IMPG2: variants seen among roughly 807,000 people sequenced by gnomAD.
The protein encoded by IMPG2 is interphotoreceptor matrix proteoglycan 2.
IMPG2 carries 91 observed loss-of-function variants against 129.2 expected under a neutral mutation model. The ratio of observed to expected loss-of-function variants is 0.70; its 90% CI spans 0.59 to 0.84. The LOEUF (loss-of-function observed/expected upper bound fraction) is 0.84, where lower values mean the gene tolerates loss of function less well. Among genes scored for constraint, IMPG2 ranks in the 40% least tolerant of loss-of-function variants. The pLI is 0.00. For synonymous variants in IMPG2, 510 were observed against 517.7 expected (o/e 0.99, Z 0.20); for missense variants, 1,430 against 1,461.7 (o/e 0.98, Z 0.35).
chr3:101,273,311 T>C (rs537964061), intron 7 of IMPG2, among the ~76,000 whole-genome samples: 140 of 152,342 alleles, frequency 9.2e-4, no homozygotes, highest in African/African-American at 3.2e-3. Context: ...GTCAAAACCA[T>C]GCCACAGAAC....
intron 3 of IMPG2, among the ~76,000 whole-genome samples, chr3:101,296,056 T>C (rs990486575): frequency 6.6e-6 from 1 of 152,200 alleles, no homozygotes; most frequent in African/African-American, 2.4e-5. Flanking sequence ...CATTTATTTC[T>C]TTCTCTTGCC....
At position 101,273,752 on chromosome 3, in the gene IMPG2, TA is replaced by T. The variant is rs1706812678; in HGVS notation, c.667-11del. On this transcript the variant is annotated splice_polypyrimidine_tract_variant and intron_variant, in intron 6 of 18. Transcript: ENST00000193391. Reference sequence around the variant, plus strand: ...CAATTTCATTGCTAATCTGAATTTTTAGAGAAAGAACAATAAATGTCAAGGC... The same window carrying T: ...CAATTTCATTGCTAATCTGAATTTTTGAGAAAGAACAATAAATGTCAAGGC... 6.2e-7 allele frequency: 1 copy of T among 1,612,606 alleles called. No homozygotes were observed. Among genetic ancestry groups the T allele is most frequent in the East Asian group, 2.2e-5 (1 of 44,860 alleles).
intron 2 of IMPG2, among the ~76,000 whole-genome samples, chr3:101,311,490 A>G (rs1707263366): frequency 6.6e-6 from 1 of 152,198 alleles, no homozygotes; most frequent in East Asian, 1.9e-4. Flanking sequence ...AAAGATTAAA[A>G]TGCTTAGGAA....
In IMPG2 at chr3:101,246,107, T is replaced by C. The variant is rs1706475153; in HGVS notation, c.1240-2A>G. ...CCATGCAGCTTGAAAGGTATTATCC[T>C]GGGGGGAAAAAAAGGCTAAATCATA... On this transcript the variant is annotated splice_acceptor_variant, in intron 11 of 18. Transcript: ENST00000193391. LOFTEE classifies it high-confidence loss of function. 1 of 1,612,072 alleles carries C rather than the reference T, an allele frequency of 6.2e-7. No homozygotes were observed. The highest frequency in any genetic ancestry group is 8.5e-7 in the Non-Finnish European group (1 of 1,179,424).
At chr3:101,228,400 T>C (rs1706246468) in intron 18 of IMPG2, among the ~76,000 whole-genome samples, 1 of 152,150 alleles carries the variant, frequency 6.6e-6, no homozygotes, top group Non-Finnish European at 1.5e-5. Context: ...TTTTATGGCA[T>C]CAGATCAATC....
intron 11 of IMPG2, among the ~76,000 whole-genome samples, chr3:101,250,781 G>C (rs559413183): frequency 2.6e-5 from 4 of 152,156 alleles, no homozygotes; most frequent in Non-Finnish European, 5.9e-5. Flanking sequence ...AACACAGATA[G>C]GGAGTGTGGG....
At position 101,243,612 on chromosome 3, in the gene IMPG2, C is replaced by G. The variant is rs758366596; in HGVS notation, c.2719G>C (p.Val907Leu). ...TCTTCTGAAAACATCATGTTAGTCA[C>G]TCGGAGGCTGAAGAAAACCACCAAA... Reference protein sequence around the residue: ...GALVVFFSLRVTNMMFSEDLF... With the variant: ...GALVVFFSLRLTNMMFSEDLF... The change falls in exon 13 of 19, where the codon GTG becomes CTG. Residue 907 changes from valine to leucine, a missense_variant. By Grantham distance (32) the Val-to-Leu change is conservative. Transcript: ENST00000193391. 1 of 1,613,878 alleles carries G rather than the reference C, an allele frequency of 6.2e-7. No individual in the cohort carries two copies. The highest frequency in any genetic ancestry group is 8.5e-7 in the Non-Finnish European group (1 of 1,179,916).
At chr3:101,287,924 C>A (rs1390601329) in intron 4 of IMPG2, among the ~76,000 whole-genome samples, 2 of 152,036 alleles carry the variant, frequency 1.3e-5, no homozygotes, top group Non-Finnish European at 2.9e-5. Context: ...TTTTGCACAG[C>A]AAAATAAACT....
At chr3:101,277,870 G>C (rs546373510) in intron 4 of IMPG2, among the ~76,000 whole-genome samples, 32 of 152,306 alleles carry the variant, frequency 2.1e-4, no homozygotes, top group Admixed American at 1.0e-3. Context: ...GAGGAAAAGG[G>C]CTATTCCCTT....
Position 101,245,953 on chromosome 3 carries a change from T to C in IMPG2, c.1392A>G (p.Leu464=). Residue 464 remains leucine (L), a synonymous_variant, in exon 12 of 19, where the codon TTA becomes TTG. Coordinates refer to ENST00000193391, the MANE Select transcript of IMPG2 (RefSeq NM_016247.4). ...TGAGGCCCATCTTCGAGGGAAAGGC[T>C]AATTTGTGTGTAGACACTAAATCAC... ...PLGDLVSTHK[L]AFPSKMGLSS... is the part of the protein sequence containing the mutation. 1 of 1,614,164 alleles carries C rather than the reference T, an allele frequency of 6.2e-7. No individual in the cohort carries two copies. Among genetic ancestry groups the C allele is most frequent in the South Asian group, 1.1e-5 (1 of 91,084 alleles).
intron 2 of IMPG2, among the ~76,000 whole-genome samples, chr3:101,305,481 C>T (rs952405492): frequency 1.3e-5 from 2 of 152,066 alleles, no homozygotes; most frequent in Non-Finnish European, 2.9e-5. Context: ...TAACTATGAA[C>T]TTCAGTTAAG....
chr3:101,264,987 A>G (rs1035923411), intron 9 of IMPG2, among the ~76,000 whole-genome samples: 8 of 152,144 alleles, frequency 5.3e-5, no homozygotes, highest in Middle Eastern at 3.2e-3. Context: ...AAATTTAACC[A>G]AGCAGGTGAA....
At chr3:101,237,717 T>A (rs1486179943) in intron 14 of IMPG2, among the ~76,000 whole-genome samples, 3 of 151,932 alleles carry the variant, frequency 2.0e-5, no homozygotes, top group Non-Finnish European at 4.4e-5. Context: ...CATGCAAAGG[T>A]CACCAACATC....
Position 101,242,693 on chromosome 3 carries a change from T to TC in IMPG2, c.3016dup (p.Glu1006GlyfsTer4). ...CATGCTAGGCAATATCATACCTGATTCCACATCAAGAGAGTATTTATCAAT... is the reference window on the plus strand; with the variant it reads ...CATGCTAGGCAATATCATACCTGATTCCCACATCAAGAGAGTATTTATCAAT... On this transcript the variant is annotated frameshift_variant, in exon 14 of 19. Coordinates refer to ENST00000193391, the MANE Select transcript of IMPG2 (RefSeq NM_016247.4). LOFTEE classifies it high-confidence loss of function. 6.2e-7 allele frequency: 1 copy of TC among 1,608,138 alleles called. No homozygotes were observed. Among genetic ancestry groups the TC allele is most frequent in the Non-Finnish European group, 8.5e-7 (1 of 1,174,608 alleles).
chr3:101,290,439 C>A (rs1157887419), intron 4 of IMPG2, among the ~76,000 whole-genome samples: 1 of 152,066 alleles, frequency 6.6e-6, no homozygotes, highest in African/African-American at 2.4e-5. Flanking sequence ...AGCCTGGGAG[C>A]ACGAGGCTGC....
intron 14 of IMPG2, among the ~76,000 whole-genome samples, chr3:101,240,953 G>C (rs1011970028): frequency 4.6e-5 from 7 of 152,188 alleles, no homozygotes; most frequent in African/African-American, 1.4e-4. Flanking sequence ...ATGTAGAAAG[G>C]AAGGAAGAAG....
Position 101,291,499 on chromosome 3 carries a change from A to C in IMPG2, c.513T>G (p.Tyr171Ter), listed in dbSNP as rs763295314. The C allele has an allele frequency of 5.0e-6, 8 of 1,613,056 alleles. No homozygotes were observed. The highest frequency in any genetic ancestry group is 6.8e-6 in the Non-Finnish European group (8 of 1,179,226). The change falls in exon 4 of 19, where the codon TAT (tyrosine) becomes TAG (stop). Residue 171 changes from tyrosine to a stop codon, truncating the protein, a stop_gained. Transcript: ENST00000193391. LOFTEE classifies it high-confidence loss of function. ...CTCACCTGCTTACAGTTTCCTTTGCATAAGTCAGTTTCTAAGGAAAACAAA... is the reference window on the plus strand; with the variant it reads ...CTCACCTGCTTACAGTTTCCTTTGCCTAAGTCAGTTTCTAAGGAAAACAAA... The part of the protein sequence containing the change: ...HRSLIMKKLT[Y>*]AKETVSSSEL...
At chr3:101,246,181 T>G in intron 11 of IMPG2, 76 bp from the exon 12 acceptor site, 1 of 1,400,708 alleles carries the variant, frequency 7.1e-7, no homozygotes. Context: ...ACCACCTATC[T>G]GTCTATATTC....
intron 2 of IMPG2, among the ~76,000 whole-genome samples, chr3:101,306,648 T>C (rs1424102997): frequency 6.6e-6 from 1 of 151,886 alleles, no homozygotes; most frequent in Non-Finnish European, 1.5e-5. Flanking sequence ...AATGAAGTGA[T>C]TCAGAGAAAG....
Sources: gnomAD v4.1 joint callset for allele counts (sites outside exome capture counted in the v4.1 genomes callset) on GRCh38, gnomAD v4.1.1 for gene constraint, MANE v1.5 for transcripts, NCBI Gene and HGNC (gene_info 2026-07-23, HGNC 2026-07-21) for gene names.